The following BABAM2 variants were observed in gnomAD, a reference collection of about 807,000 sequenced individuals.
BABAM2 encodes BRISC and BRCA1 A complex member 2, also known as BRISC and BRCA1-A complex member 2.
Under a neutral mutation model 54.7 loss-of-function variants are expected in BABAM2, and 31 were observed. The ratio of observed to expected loss-of-function variants is 0.57; its 90% CI spans 0.43 to 0.77. The LOEUF (loss-of-function observed/expected upper bound fraction) is 0.77. Among genes scored for constraint, BABAM2 ranks in the 30% least tolerant of loss-of-function variants. BABAM2 has a pLI of 0.00. For synonymous variants in BABAM2, 167 were observed against 162.9 expected, an observed-to-expected ratio of 1.03 and a Z score of -0.19; for missense variants, 364 against 455.8, an observed-to-expected ratio of 0.80 and a Z score of 1.83.
chr2:28,064,818 A>AT (rs1255371560), intron 6 of BABAM2, among the ~76,000 whole-genome samples: 12 of 152,212 alleles, frequency 7.9e-5, no homozygotes, highest in African/African-American at 2.9e-4. Flanking sequence ...CCTGGCCAAC[A>AT]TGGTGAAACC....
chr2:28,142,130 A>G (rs1442321381), intron 7 of BABAM2, among the ~76,000 whole-genome samples: 1 of 152,192 alleles, frequency 6.6e-6, no homozygotes, highest in Non-Finnish European at 1.5e-5. Flanking sequence ...TAAAGAGCAT[A>G]TAATTTGATC....
intron 7 of BABAM2, among the ~76,000 whole-genome samples, chr2:28,176,596 A>AAAAAAC (rs1248054622): frequency 2.1e-5 from 3 of 145,934 alleles, no homozygotes; most frequent in African/African-American, 5.0e-5. Context: ...AAAAAAAAAA[A>AAAAAAC]CCTCACTGAG....
chr2:28,210,209 G>A (rs1460562172), intron 7 of BABAM2, among the ~76,000 whole-genome samples: 1 of 152,120 alleles, frequency 6.6e-6, no homozygotes, highest in East Asian at 1.9e-4. Context: ...CTGCTTTCCT[G>A]CCTTTTATTA....
intron 10 of BABAM2, among the ~76,000 whole-genome samples, chr2:28,280,026 C>T (rs1043003522): frequency 7.2e-5 from 11 of 151,826 alleles, no homozygotes; most frequent in African/African-American, 2.7e-4. Flanking sequence ...CTTATAAGAA[C>T]GCATTTGGTC....
chr2:28,100,462 CA>C lies in BABAM2; in HGVS notation c.571-28789del, dbSNP rs34217491. ...GTGACAGAGCGAGAGACTCTGTCTC[CA>C]AAAAAAAAAAAAAAAAAAAGATGGC... On this transcript the variant is annotated intron_variant, in intron 6 of 11. Coordinates refer to ENST00000379624, the MANE Select transcript of BABAM2 (RefSeq NM_199191.3). 6.2e-4 allele frequency among the ~76,000 whole-genome samples: 56 copies of C among 89,638 alleles called. 1 individual carries two copies. Among genetic ancestry groups the C allele is most frequent in the South Asian group, 1.3e-3 (3 of 2,256 alleles). 58.8% of individuals were successfully genotyped at this position (89,638 alleles called of 152,430 possible).
chr2:28,070,636 G>T (rs1267675179), intron 6 of BABAM2, among the ~76,000 whole-genome samples: 1 of 150,688 alleles, frequency 6.6e-6, no homozygotes, highest in Non-Finnish European at 1.5e-5. Context: ...TGCAAGCTCC[G>T]CCTCCCGGGT....
At position 28,025,267 on chromosome 2, in the gene BABAM2, A is replaced by G. The variant is rs1675563220; in HGVS notation, c.342A>G (p.Leu114=). ...SWNPSNPECL[L]LVVKELVQQY... ...ATCCTTCAAATCCTGAATGTCTCTT[A>G]CTTGTGGTGAAGGAACTTGTGCAAC... is the stretch of plus-strand genomic sequence containing the variant. Residue 114 remains leucine (L), a synonymous_variant, in exon 5 of 12, where the codon TTA becomes TTG. Coordinates refer to ENST00000379624, the MANE Select transcript of BABAM2 (RefSeq NM_199191.3). 1 of 1,607,926 alleles carries G rather than the reference A, an allele frequency of 6.2e-7. No homozygotes were observed. Among genetic ancestry groups the G allele is most frequent in the South Asian group, 1.1e-5 (1 of 89,288 alleles).
intron 3 of BABAM2, among the ~76,000 whole-genome samples, chr2:27,958,445 C>T (rs962080902): frequency 1.3e-5 from 2 of 149,332 alleles, no homozygotes; most frequent in African/African-American, 2.5e-5. Flanking sequence ...TCAAGAATTC[C>T]ACTGGCTGCT....
intron 10 of BABAM2, among the ~76,000 whole-genome samples, chr2:28,247,590 AAAGGAG>A (rs1022826656): frequency 5.9e-5 from 9 of 152,152 alleles, no homozygotes; most frequent in African/African-American, 2.2e-4. Context: ...CAAGAGGTGA[AAAGGAG>A]GAAGGAAGTG....
chr2:28,202,417 TC>T (rs1475346454), intron 7 of BABAM2, among the ~76,000 whole-genome samples: 14 of 151,700 alleles, frequency 9.2e-5, no homozygotes, highest in Non-Finnish European at 2.1e-4. Context: ...GTCTTCTCTC[TC>T]TTCCTCCCAT....
rs748135959 is a variant in BABAM2 at position 27,988,015 on chromosome 2, A to G, written c.228A>G (p.Gln76=). Residue 76 remains glutamine (Q), a synonymous_variant, in exon 4 of 12, where the codon CAA becomes CAG. Transcript: ENST00000379624. ...CAGGGGATATCATTTTCAATGCCCA[A>G]TACCCAGAACTGCCTCCCGATTTTA... ...TLKWDIIFNA[Q]YPELPPDFIF... 6.8e-6 allele frequency: 11 copies of G among 1,613,300 alleles called. No homozygotes were observed. The highest frequency in any genetic ancestry group is 9.3e-6 in the Non-Finnish European group (11 of 1,179,436).
At chr2:27,976,555 T>C (rs150321446) in intron 3 of BABAM2, among the ~76,000 whole-genome samples, 1 of 152,178 alleles carries the variant, frequency 6.6e-6, no homozygotes, top group East Asian at 1.9e-4. Flanking sequence ...GAATAAGGAA[T>C]GGTCGGAATA....
At chr2:28,159,243 T>C (rs1344198550) in intron 7 of BABAM2, among the ~76,000 whole-genome samples, 2 of 152,138 alleles carry the variant, frequency 1.3e-5, no homozygotes, top group East Asian at 1.9e-4. Context: ...TGGAATAAGA[T>C]TGAAGATGTC....
intron 6 of BABAM2, among the ~76,000 whole-genome samples, chr2:28,067,275 G>A (rs1350001734): frequency 1.3e-5 from 2 of 152,176 alleles, no homozygotes; most frequent in Non-Finnish European, 2.9e-5. Flanking sequence ...AGGTAGGTAG[G>A]CAGAGAGATA....
intron 5 of BABAM2, among the ~76,000 whole-genome samples, chr2:28,032,016 C>G (rs772871089): frequency 1.3e-5 from 2 of 152,154 alleles, no homozygotes; most frequent in African/African-American, 4.8e-5. Flanking sequence ...AGTATATTCT[C>G]TAAATGAAAC....
chr2:28,009,609 T>A (rs140664506), intron 4 of BABAM2, among the ~76,000 whole-genome samples: 1 of 152,160 alleles, frequency 6.6e-6, no homozygotes, highest in Non-Finnish European at 1.5e-5. Context: ...ATGGTACCAT[T>A]TGAAACAGAT....
intron 3 of BABAM2, among the ~76,000 whole-genome samples, chr2:27,948,938 TG>T (rs1669504653): frequency 1.3e-5 from 2 of 152,110 alleles, no homozygotes; most frequent in South Asian, 4.1e-4. Flanking sequence ...CCTAGTTAGT[TG>T]GGGATTTTTT....
intron 6 of BABAM2, among the ~76,000 whole-genome samples, chr2:28,046,577 A>G (rs998111928): frequency 4.6e-5 from 7 of 152,202 alleles, no homozygotes; most frequent in Admixed American, 6.5e-5. Context: ...AAAAATTTCT[A>G]TCTTCCTAAT....
chr2:28,178,737 C>G (rs1350138196), intron 7 of BABAM2, among the ~76,000 whole-genome samples: 1 of 150,128 alleles, frequency 6.7e-6, no homozygotes, highest in African/African-American at 2.4e-5. Flanking sequence ...CAAAAAAACT[C>G]CTAGCTAGAC....
Sources: gnomAD v4.1 joint callset for allele counts (sites outside exome capture counted in the v4.1 genomes callset) on GRCh38, gnomAD v4.1.1 for gene constraint, MANE v1.5 for transcripts, NCBI Gene and HGNC (gene_info 2026-07-23, HGNC 2026-07-21) for gene names.